The following SPATA13 variants were observed in gnomAD, a reference collection of about 807,000 sequenced individuals.
The protein encoded by SPATA13 is spermatogenesis associated 13, also known as spermatogenesis-associated protein 13.
Under a neutral mutation model 104.0 loss-of-function variants are expected in SPATA13, and 50 were observed. The observed-to-expected ratio is 0.48, with a 90% CI of 0.38 to 0.61. The LOEUF (loss-of-function observed/expected upper bound fraction) is 0.61, where lower values mean the gene tolerates loss of function less well. SPATA13 is among the 20% of genes least tolerant of loss of function. The pLI is 0.00. For synonymous variants in SPATA13, 606 were observed against 667.5 expected (o/e 0.91, Z 1.42); for missense variants, 1,524 against 1,690.6 (o/e 0.90, Z 1.73).
At chr13:24,133,768 G>A (rs766344924) in intron 3 of SPATA13, among the ~76,000 whole-genome samples, 12 of 152,116 alleles carry the variant, frequency 7.9e-5, no homozygotes, top group Non-Finnish European at 1.3e-4. Context: ...GAATAGTGCC[G>A]GGGCCACAAA....
chr13:24,044,233 C>CTTTTTTTT (rs67709070), intron 3 of SPATA13, among the ~76,000 whole-genome samples: 1 of 122,996 alleles, frequency 8.1e-6, no homozygotes, highest in Non-Finnish European at 1.6e-5. Context: ...TTCTTTCTTT[C>CTTTTTTTT]TTTTTTTTTT....
intron 2 of SPATA13, among the ~76,000 whole-genome samples, chr13:24,009,030 G>T (rs972999105): frequency 4.6e-5 from 7 of 152,180 alleles, no homozygotes; most frequent in African/African-American, 1.7e-4. Context: ...CTGCTGCCAG[G>T]GGCATGCCAT....
At chr13:24,206,695 C>T (rs1294608213) in intron 1 of SPATA13, among the ~76,000 whole-genome samples, 5 of 152,088 alleles carry the variant, frequency 3.3e-5, no homozygotes, top group African/African-American at 1.2e-4. Flanking sequence ...AGTTCAAGAC[C>T]AGCCTGGCTA....
In SPATA13 at chr13:24,271,885, G is replaced by A. The variant is rs142811399; in HGVS notation, c.2165-12250G>A. Among the ~76,000 whole-genome samples the A allele has an allele frequency of 2.2e-3, 342 of 152,308 alleles. 10 individuals carry two copies. Among genetic ancestry groups the A allele is most frequent in the Admixed American group, 0.02 (312 of 15,298 alleles). On this transcript the variant is annotated intron_variant, in intron 4 of 12. Transcript: ENST00000382108. ...TGTGCTGCTGACAGACAGAAAGCAG[G>A]GATGTGGTTACGGCTTCTGTGTCTG...
intron 2 of SPATA13, among the ~76,000 whole-genome samples, chr13:24,227,498 C>G (rs141744163): frequency 6.6e-6 from 1 of 152,108 alleles, no homozygotes; most frequent in African/African-American, 2.4e-5. Context: ...ATTAAAGGTG[C>G]GTGCACATGT....
chr13:24,260,556 T>C (rs930853062), intron 4 of SPATA13, among the ~76,000 whole-genome samples: 2 of 152,162 alleles, frequency 1.3e-5, no homozygotes, highest in Admixed American at 6.5e-5. Flanking sequence ...GCAAATAAAA[T>C]GTGAATATGA....
intron 3 of SPATA13, chr13:24,017,751 C>G (rs906086893): frequency 3.3e-5 from 32 of 958,640 alleles, no homozygotes; most frequent in Non-Finnish European, 3.8e-5. Flanking sequence ...CCTTCTTTCT[C>G]CTTTAAATCC....
Position 24,286,121 on chromosome 13 carries a change from C to A in SPATA13, c.2302-93C>A. On this transcript the variant is annotated intron_variant, in intron 5 of 12. Transcript: ENST00000382108. This position sits in a 1 kb window ranked among gnomAD's most constrained non-coding sequence, Gnocchi z 4.9. ...ACCAGCATATCCAAGTGAGAGGATA[C>A]CAGTGTCACCCTGAGAGAGTGCACC... 2 of 1,212,662 alleles carry A rather than the reference C, an allele frequency of 1.6e-6. No individual in the cohort carries two copies. The highest frequency in any genetic ancestry group is 1.2e-6 in the Non-Finnish European group (1 of 864,916). 75.1% of individuals were successfully genotyped at this position (1,212,662 alleles called of 1,614,324 possible).
intron 3 of SPATA13, among the ~76,000 whole-genome samples, chr13:24,124,286 C>G (rs981886652): frequency 6.6e-6 from 1 of 152,204 alleles, no homozygotes; most frequent in African/African-American, 2.4e-5. Flanking sequence ...TAGAATCTCT[C>G]TCATTCATTT....
chr13:24,035,302 G>T (rs1289243149), intron 3 of SPATA13, among the ~76,000 whole-genome samples: 1 of 152,140 alleles, frequency 6.6e-6, no homozygotes, highest in Non-Finnish European at 1.5e-5. Flanking sequence ...TTACAGGTGT[G>T]CACCAACACA....
At chr13:24,040,761 T>A (rs1877893967) in intron 3 of SPATA13, among the ~76,000 whole-genome samples, 1 of 152,194 alleles carries the variant, frequency 6.6e-6, no homozygotes, top group African/African-American at 2.4e-5. Flanking sequence ...ACTTTAGATT[T>A]TTTAGTAGTC....
intron 2 of SPATA13, among the ~76,000 whole-genome samples, chr13:24,001,966 G>A (rs765959726): frequency 4.4e-4 from 67 of 152,026 alleles, no homozygotes; most frequent in Non-Finnish European, 1.2e-4. Context: ...TGGCCACAAT[G>A]TCACTCATGT....
chr13:24,291,798 G>A (rs1277554083), intron 9 of SPATA13, among the ~76,000 whole-genome samples: 1 of 138,930 alleles, frequency 7.2e-6, no homozygotes, highest in East Asian at 2.0e-4. Flanking sequence ...CGCCCAGGCC[G>A]GACTGCGGAC....
chr13:24,134,227 G>A (rs1177346606), intron 3 of SPATA13, among the ~76,000 whole-genome samples: 1 of 152,140 alleles, frequency 6.6e-6, no homozygotes, highest in African/African-American at 2.4e-5. Context: ...CTTTATGCAG[G>A]GAGTAATGGT....
intron 3 of SPATA13, among the ~76,000 whole-genome samples, chr13:24,070,712 C>A (rs1879127277): frequency 6.6e-6 from 1 of 152,184 alleles, no homozygotes; most frequent in Non-Finnish European, 1.5e-5. Context: ...TTGGGTGGGT[C>A]TCTTCCAATC....
At chr13:24,092,836 C>T (rs1353136752) in intron 3 of SPATA13, among the ~76,000 whole-genome samples, 1 of 152,206 alleles carries the variant, frequency 6.6e-6, no homozygotes, top group African/African-American at 2.4e-5. Flanking sequence ...ATAGACTCCA[C>T]TGTGTGGACT....
chr13:24,176,366 T>C (rs1028220040), intron 1 of SPATA13, among the ~76,000 whole-genome samples: 9 of 152,212 alleles, frequency 5.9e-5, no homozygotes, highest in Admixed American at 4.6e-4. Context: ...GTTACAACTT[T>C]GGAAGGGCAG....
rs1043859210 is a variant in SPATA13, at chr13:24,286,601, C to T, written c.2482-164C>T. ...CGGTGTTTCTCTGTGGTCCTCGTGC[C>T]TGCTGGCATAGCCGCAGCCCTGCTG... On this transcript the variant is annotated intron_variant, in intron 6 of 12. Coordinates refer to ENST00000382108, the MANE Select transcript of SPATA13 (RefSeq NM_001166271.3). This position sits in a 1 kb window ranked among gnomAD's most constrained non-coding sequence, Gnocchi z 4.9. Among the ~76,000 whole-genome samples the T allele has an allele frequency of 6.6e-6, 1 of 152,126 alleles. No individual in the cohort carries two copies. Among genetic ancestry groups the T allele is most frequent in the Non-Finnish European group, 1.5e-5 (1 of 68,030 alleles).
chr13:24,265,783 T>C (rs1175749514), intron 4 of SPATA13, among the ~76,000 whole-genome samples: 1 of 152,136 alleles, frequency 6.6e-6, no homozygotes, highest in Non-Finnish European at 1.5e-5. Flanking sequence ...TTCTTGGTAA[T>C]GGGGCCATAT....
Sources: allele counts gnomAD v4.1 joint callset (sites outside exome capture counted in the v4.1 genomes callset), GRCh38; gene constraint gnomAD v4.1.1; non-coding constraint Gnocchi (gnomAD v3.1); transcripts MANE v1.5; gene names NCBI Gene and HGNC (gene_info 2026-07-23, HGNC 2026-07-21).